Variants in NPFFR2 observed in about 807,000 individuals in gnomAD.
NPFFR2 encodes G-protein coupled receptor 74.
In NPFFR2, 15 loss-of-function variants were observed where a neutral mutation model predicts 13.1. The observed-to-expected ratio is 1.15, with a 90% CI of 0.77 to 1.76. The LOEUF is 1.76. Among genes scored for constraint, NPFFR2 ranks in the 40% most tolerant of loss-of-function variants. NPFFR2 has a pLI of 0.00. For missense variants in NPFFR2, 572 were observed against 503.5 expected, an observed-to-expected ratio of 1.14 and a Z score of -1.30; for synonymous variants, 190 against 175.7, an observed-to-expected ratio of 1.08 and a Z score of -0.65.
chr4:72,141,349 G>A (rs1451739872), intron 3 of NPFFR2, among the ~76,000 whole-genome samples: 1 of 152,136 alleles, frequency 6.6e-6, no homozygotes, highest in Non-Finnish European at 1.5e-5. Flanking sequence ...TAATTGTGAT[G>A]TTAGGGTGTG....
rs1447456284 is a variant in NPFFR2 at position 72,128,736 on chromosome 4, A to G, written c.145A>G (p.Ile49Val). ...CCAGCCTCAAGTGGCAGCAATCTTCATTATTTCCTACTTTCTGATCTTCTT... is the reference window on the plus strand; with the variant it reads ...CCAGCCTCAAGTGGCAGCAATCTTCGTTATTTCCTACTTTCTGATCTTCTT... ...LHQPQVAAIF[I>V]ISYFLIFFLC... The change falls in exon 2 of 4, where the codon ATT becomes GTT. Residue 49 changes from isoleucine (I) to valine (V), a missense_variant. Coordinates refer to ENST00000308744, the MANE Select transcript of NPFFR2 (RefSeq NM_004885.3). 2.5e-6 allele frequency: 4 copies of G among 1,614,176 alleles called. No individual in the cohort carries two copies. The highest frequency in any genetic ancestry group is 3.3e-5 in the Admixed American group (2 of 60,026).
chr4:72,047,950 A>C lies in NPFFR2; in HGVS notation c.-8+15750A>C, dbSNP rs75966432. ...ATGTGTCTAGGGACTGTGGGCAAGGAGTAAAGTTATTCCTAAATTTGACAG... is the reference window on the plus strand; with the variant it reads ...ATGTGTCTAGGGACTGTGGGCAAGGCGTAAAGTTATTCCTAAATTTGACAG... On this transcript the variant is annotated intron_variant, in intron 1 of 3. Transcript: ENST00000308744. 7.0e-4 allele frequency among the ~76,000 whole-genome samples: 106 copies of C among 152,230 alleles called. 1 individual carries two copies. The highest frequency in any genetic ancestry group is 2.5e-3 in the African/African-American group (105 of 41,548).
chr4:72,079,973 G>A (rs566409215), intron 1 of NPFFR2, among the ~76,000 whole-genome samples: 2 of 152,218 alleles, frequency 1.3e-5, no homozygotes, highest in South Asian at 4.2e-4. Context: ...TCCCTTCTGA[G>A]AGAGGCTCCT....
At chr4:72,124,523 G>A (rs1302217387) in intron 1 of NPFFR2, among the ~76,000 whole-genome samples, 2 of 152,062 alleles carry the variant, frequency 1.3e-5, no homozygotes, top group East Asian at 3.9e-4. Context: ...TAACTGTACA[G>A]TTACAGTACG....
At chr4:72,063,031 A>G (rs1313866309) in intron 1 of NPFFR2, among the ~76,000 whole-genome samples, 1 of 152,234 alleles carries the variant, frequency 6.6e-6, no homozygotes, top group Non-Finnish European at 1.5e-5. Context: ...GTACATACAC[A>G]GTGACATGAT....
chr4:72,070,604 G>A (rs1720223641), intron 1 of NPFFR2, among the ~76,000 whole-genome samples: 1 of 86,662 alleles, frequency 1.2e-5, no homozygotes, highest in African/African-American at 4.1e-5. Flanking sequence ...GCAAGATTGT[G>A]TTTTTATGCA....
chr4:72,101,249 C>T (rs1441887080), intron 1 of NPFFR2, among the ~76,000 whole-genome samples: 1 of 152,004 alleles, frequency 6.6e-6, no homozygotes, highest in African/African-American at 2.4e-5. Flanking sequence ...TATTTATGCA[C>T]ATTACTTCTT....
rs781631356 is a variant in NPFFR2, at chr4:72,068,975, A to G, written c.-8+36775A>G. 24 of 1,436,268 alleles carry G rather than the reference A, an allele frequency of 1.7e-5. 1 individual carries two copies. In the South Asian group the frequency reaches 3.0e-4, roughly 18 times the overall value. The allele number at this position is 1,436,268 out of a possible 1,614,324, so 89.0% of individuals were successfully genotyped here. A position where few individuals can be genotyped will look rare whatever the true frequency, so the allele number is the denominator to read the frequency against. On this transcript the variant is annotated intron_variant, in intron 1 of 3. Coordinates refer to ENST00000308744, the MANE Select transcript of NPFFR2 (RefSeq NM_004885.3). The stretch of plus-strand genomic sequence containing the variant: ...TTTTGACATACAAGAAACATCAAAA[A>G]GATTGAATGTCTTAATAAGAGTGAA...
At chr4:72,096,118 T>C (rs1211121768) in intron 1 of NPFFR2, among the ~76,000 whole-genome samples, 7 of 152,204 alleles carry the variant, frequency 4.6e-5, no homozygotes, top group African/African-American at 1.7e-4. Context: ...CTGTGGATAG[T>C]TTAACATTCC....
At chr4:72,143,797 A>T (rs926062795) in intron 3 of NPFFR2, among the ~76,000 whole-genome samples, 1 of 152,252 alleles carries the variant, frequency 6.6e-6, no homozygotes, top group Admixed American at 6.5e-5. Flanking sequence ...GTTCCTAAGC[A>T]GAACAGACAA....
chr4:72,136,081 T>G (rs1423275380), intron 2 of NPFFR2, among the ~76,000 whole-genome samples: 2 of 152,168 alleles, frequency 1.3e-5, no homozygotes, highest in African/African-American at 2.4e-5. Flanking sequence ...TAAGGCTAGG[T>G]GCAGTGGCTC....
At chr4:72,131,943 TA>T (rs35231729) in intron 2 of NPFFR2, among the ~76,000 whole-genome samples, 1,996 of 144,264 alleles carry the variant, frequency 0.014, 18 homozygotes, top group Middle Eastern at 0.024. Context: ...CAATAAATGT[TA>T]AAAAAAAAAG....
At chr4:72,098,729 T>G (rs1213956463) in intron 1 of NPFFR2, among the ~76,000 whole-genome samples, 2 of 152,202 alleles carry the variant, frequency 1.3e-5, no homozygotes, top group Non-Finnish European at 2.9e-5. Flanking sequence ...GATCTGGGCT[T>G]CTTCTGTCAT....
At chr4:72,113,241 T>C (rs984719879) in intron 1 of NPFFR2, among the ~76,000 whole-genome samples, 1 of 152,038 alleles carries the variant, frequency 6.6e-6, no homozygotes, top group Admixed American at 6.6e-5. Context: ...CAGCAAAGAA[T>C]AGTAGAATTT....
intron 1 of NPFFR2, among the ~76,000 whole-genome samples, chr4:72,035,079 T>A (rs1719010859): frequency 6.6e-6 from 1 of 152,220 alleles, no homozygotes; most frequent in Non-Finnish European, 1.5e-5. Context: ...CCCTCTAGAT[T>A]TCTCTGTTTC....
intron 1 of NPFFR2, among the ~76,000 whole-genome samples, chr4:72,092,893 G>A (rs1020205098): frequency 6.6e-6 from 1 of 152,048 alleles, no homozygotes; most frequent in Non-Finnish European, 1.5e-5. Flanking sequence ...TTTGTTGCTT[G>A]AATACCTTCT....
chr4:72,050,889 T>A (rs2109764772), intron 1 of NPFFR2, among the ~76,000 whole-genome samples: 1 of 151,934 alleles, frequency 6.6e-6, no homozygotes, highest in East Asian at 1.9e-4. Flanking sequence ...TGCGATAGTT[T>A]ACTGAGAATG....
intron 1 of NPFFR2, among the ~76,000 whole-genome samples, chr4:72,116,553 C>T: frequency 6.6e-6 from 1 of 151,838 alleles, no homozygotes; most frequent in East Asian, 1.9e-4. Context: ...GCACACGTAC[C>T]CCTGAACCTA....
At chr4:72,085,548 C>T (rs1442577759) in intron 1 of NPFFR2, among the ~76,000 whole-genome samples, 1 of 152,130 alleles carries the variant, frequency 6.6e-6, no homozygotes, top group Non-Finnish European at 1.5e-5. Context: ...TAAAACCTTT[C>T]ATTTCAGAGT....
Sources: gnomAD v4.1 joint callset for allele counts (sites outside exome capture counted in the v4.1 genomes callset) on GRCh38, gnomAD v4.1.1 for gene constraint, MANE v1.5 for transcripts, NCBI Gene and HGNC (gene_info 2026-07-23, HGNC 2026-07-21) for gene names.